Variants in POPDC2 observed in about 807,000 individuals in gnomAD.
The protein encoded by POPDC2 is popeye domain cAMP effector 2.
Under a neutral mutation model 30.5 loss-of-function variants are expected in POPDC2, and 24 were observed. The ratio of observed to expected loss-of-function variants is 0.79; its 90% CI spans 0.57 to 1.11. The LOEUF is 1.11. Ranked by LOEUF, POPDC2 falls within the 50% of genes least tolerant of loss-of-function variation. The pLI is 0.00. For synonymous variants in POPDC2, 185 were observed against 183.3 expected (o/e 1.01, Z -0.07); for missense variants, 409 against 447.0 (o/e 0.91, Z 0.77).
chr3:119,645,258 T>C lies in POPDC2; in HGVS notation c.*44-2697A>G, dbSNP rs532178008. On this transcript the variant is annotated intron_variant, in intron 3 of 3. Transcript: ENST00000493094. Reference sequence around the variant, plus strand: ...TTGGGGACTGAGTTGTGATCTCCTCTCTCATAAAATATCCGCACTGTAGGC... The same window carrying C: ...TTGGGGACTGAGTTGTGATCTCCTCCCTCATAAAATATCCGCACTGTAGGC... Among the ~76,000 whole-genome samples the C allele has an allele frequency of 3.3e-5, 5 of 152,280 alleles. No homozygotes were observed. The East Asian group carries it at 7.7e-4, about 23-fold the overall frequency.
Position 119,656,813 on chromosome 3 carries a change from TTGGGGGAG to T in POPDC2, c.492-2208_492-2201del, listed in dbSNP as rs2052884583. 2.0e-5 allele frequency among the ~76,000 whole-genome samples: 3 copies of T among 152,154 alleles called. No homozygotes were observed. In the South Asian group the frequency reaches 6.2e-4, roughly 31 times the overall value. On this transcript the variant is annotated intron_variant, in intron 1 of 3. Transcript: ENST00000493094. ...GATCTCTAAGGTACACCTTGTTCAT[TTGGGGGAG>T]ATATCCTTCCATTATTTCTGGAGGT... is the stretch of plus-strand genomic sequence containing the variant.
chr3:119,657,102 C>T (rs1003724217), intron 1 of POPDC2, among the ~76,000 whole-genome samples: 14 of 152,150 alleles, frequency 9.2e-5, no homozygotes, highest in Non-Finnish European at 1.8e-4. Flanking sequence ...TTGAGGGATG[C>T]AAAGGGTATT....
rs1299808690 is a variant in POPDC2, at chr3:119,642,100, C to A, written c.*505G>T. On this transcript the variant is annotated 3_prime_UTR_variant, in exon 4 of 4. Coordinates refer to ENST00000493094, the MANE Select transcript of POPDC2 (RefSeq NM_001369919.2). The stretch of plus-strand genomic sequence containing the variant: ...ATTGAGTGCTTACTTGGTGCCACGG[C>A]ATGTGCTAGGTGCTTACCTAAATCA... 4 of 158,242 alleles carry A rather than the reference C, an allele frequency of 2.5e-5. No homozygotes were observed. Among genetic ancestry groups the A allele is most frequent in the African/African-American group, 4.8e-5 (2 of 41,736 alleles). 9.8% of individuals were successfully genotyped at this position (158,242 alleles called of 1,614,324 possible). A position where few individuals can be genotyped will look rare whatever the true frequency, so the allele number is the denominator to read the frequency against.
chr3:119,643,510 A>G, intron 3 of POPDC2: 2 of 1,123,366 alleles, frequency 1.8e-6, no homozygotes, highest in Non-Finnish European at 2.6e-6. Flanking sequence ...ATACAACAGA[A>G]TCTTAAAATA....
chr3:119,657,366 A>G (rs562933082), intron 1 of POPDC2, among the ~76,000 whole-genome samples: 1 of 152,354 alleles, frequency 6.6e-6, no homozygotes, highest in Non-Finnish European at 1.5e-5. Context: ...GCGTGTATAC[A>G]AATTACCAAA....
rs1485799604 is a variant in POPDC2, at chr3:119,642,221, T to G, written c.*384A>C. 6.5e-6 allele frequency: 2 copies of G among 309,368 alleles called. No homozygotes were observed. Among genetic ancestry groups the G allele is most frequent in the Non-Finnish European group, 1.2e-5 (2 of 162,058 alleles). The allele number at this position is 309,368 out of a possible 1,614,324, so 19.2% of individuals were successfully genotyped here. A position where few individuals can be genotyped will look rare whatever the true frequency, so the allele number is the denominator to read the frequency against. ...CAGAGGCTATGTAACTTGCCCAAGA[T>G]TCTGCAGCTGGTAAAGGACGGAATC... On this transcript the variant is annotated 3_prime_UTR_variant, in exon 4 of 4. Coordinates refer to ENST00000493094, the MANE Select transcript of POPDC2 (RefSeq NM_001369919.2).
intron 2 of POPDC2, among the ~76,000 whole-genome samples, chr3:119,649,233 C>G: frequency 6.6e-6 from 1 of 152,072 alleles, no homozygotes; most frequent in East Asian, 1.9e-4. Flanking sequence ...CGAAATTGCT[C>G]GTAACTTGGC....
At chr3:119,655,212 C>T (rs925528219) in intron 1 of POPDC2, among the ~76,000 whole-genome samples, 1 of 151,990 alleles carries the variant, frequency 6.6e-6, no homozygotes, top group Non-Finnish European at 1.5e-5. Context: ...CCTGTAATCC[C>T]AGCTACTTGG....
At chr3:119,658,547 G>A (rs1007928415) in intron 1 of POPDC2, among the ~76,000 whole-genome samples, 4 of 152,166 alleles carry the variant, frequency 2.6e-5, no homozygotes, top group African/African-American at 9.7e-5. Flanking sequence ...ATAACATCAT[G>A]GGTCTCATGA....
Position 119,642,214 on chromosome 3 carries a change from C to T in POPDC2, c.*391G>A, listed in dbSNP as rs151250557. On this transcript the variant is annotated 3_prime_UTR_variant, in exon 4 of 4. Coordinates refer to ENST00000493094, the MANE Select transcript of POPDC2 (RefSeq NM_001369919.2). Reference sequence around the variant, plus strand: ...AGGCTCACAGAGGCTATGTAACTTGCCCAAGATTCTGCAGCTGGTAAAGGA... The same window carrying T: ...AGGCTCACAGAGGCTATGTAACTTGTCCAAGATTCTGCAGCTGGTAAAGGA... 23 of 301,130 alleles carry T rather than the reference C, an allele frequency of 7.6e-5. No homozygotes were observed. Among genetic ancestry groups the T allele is most frequent in the African/African-American group, 4.6e-4 (22 of 47,562 alleles). The allele number at this position is 301,130 out of a possible 1,614,324, so 18.7% of individuals were successfully genotyped here. A position where few individuals can be genotyped will look rare whatever the true frequency, so the allele number is the denominator to read the frequency against.
chr3:119,655,523 G>A (rs1255854262), intron 1 of POPDC2, among the ~76,000 whole-genome samples: 2 of 152,176 alleles, frequency 1.3e-5, no homozygotes, highest in Middle Eastern at 6.3e-3. Flanking sequence ...TGGATCCGCT[G>A]CTCCACAGAT....
At chr3:119,658,459 T>C (rs1254088135) in intron 1 of POPDC2, among the ~76,000 whole-genome samples, 1 of 152,230 alleles carries the variant, frequency 6.6e-6, no homozygotes, top group African/African-American at 2.4e-5. Flanking sequence ...TAACCATACA[T>C]GCTTCCAGCA....
intron 3 of POPDC2, among the ~76,000 whole-genome samples, chr3:119,645,326 C>G (rs994202171): frequency 1.3e-5 from 2 of 152,146 alleles, no homozygotes; most frequent in Non-Finnish European, 2.9e-5. Context: ...ACTTTGGGAG[C>G]CCGAGGCGGG....
At position 119,647,816 on chromosome 3, in the gene POPDC2, C is replaced by T. The variant is rs568153093; in HGVS notation, c.*43+303G>A. 3.9e-5 allele frequency among the ~76,000 whole-genome samples: 6 copies of T among 152,322 alleles called. No homozygotes were observed. The South Asian group carries it at 1.2e-3, about 32-fold the overall frequency. On this transcript the variant is annotated intron_variant, in intron 3 of 3. Coordinates refer to ENST00000493094, the MANE Select transcript of POPDC2 (RefSeq NM_001369919.2). ...ATGCCACAAATAAAAGCCCCTTAAG[C>T]CCCAGCTGTGGCCTCAGCTATTAGA...
At chr3:119,655,663 T>C (rs1257440105) in intron 1 of POPDC2, among the ~76,000 whole-genome samples, 1 of 152,248 alleles carries the variant, frequency 6.6e-6, no homozygotes, top group Non-Finnish European at 1.5e-5. Flanking sequence ...TGTTCTCTTA[T>C]ATAATGTTCA....
At chr3:119,656,294 A>G (rs2052878198) in intron 1 of POPDC2, among the ~76,000 whole-genome samples, 1 of 152,084 alleles carries the variant, frequency 6.6e-6, no homozygotes, top group Admixed American at 6.5e-5. Context: ...TTTTAAATAA[A>G]GACCTTTTTT....
At position 119,654,513 on chromosome 3, in the gene POPDC2, C is replaced by T. The variant is rs745746296; in HGVS notation, c.592G>A (p.Val198Met). 1 of 1,610,120 alleles carries T rather than the reference C, an allele frequency of 6.2e-7. No individual in the cohort carries two copies. Among genetic ancestry groups the T allele is most frequent in the South Asian group, 1.1e-5 (1 of 90,974 alleles). ...ACCAGGCTCCCTGTTACCTGGAACACCCCCTCCTCAGAAGGCTGTAGTGAT... is the reference window on the plus strand; with the variant it reads ...ACCAGGCTCCCTGTTACCTGGAACATCCCCTCCTCAGAAGGCTGTAGTGAT... ...WESLQPSEEG[V>M]FQVTLTAETS... Residue 198 changes from valine to methionine, a missense_variant, in exon 2 of 4, where the codon GTG (valine) becomes ATG (methionine). Physicochemically the swap from Val to Met is conservative, Grantham distance 21 (BLOSUM62 1). Coordinates refer to ENST00000493094, the MANE Select transcript of POPDC2 (RefSeq NM_001369919.2).
intron 1 of POPDC2, among the ~76,000 whole-genome samples, 165 bp downstream of exon 1, chr3:119,659,768 C>T (rs1213639727): frequency 1.3e-5 from 2 of 152,130 alleles, no homozygotes; most frequent in Non-Finnish European, 2.9e-5. Context: ...AGGAAGCAAC[C>T]CCACTCTTAG....
Position 119,660,284 on chromosome 3 carries a change from A to G in POPDC2, c.140T>C (p.Val47Ala). 1.2e-6 allele frequency: 2 copies of G among 1,613,820 alleles called. No homozygotes were observed. The highest frequency in any genetic ancestry group is 8.5e-7 in the Non-Finnish European group (1 of 1,179,950). ...GCCAAAAAGATAGAAGCATCCATACACCCCACTGCCCCCCATGAAGCCCAG... is the reference window on the plus strand; with the variant it reads ...GCCAAAAAGATAGAAGCATCCATACGCCCCACTGCCCCCCATGAAGCCCAG... The part of the protein sequence containing the change: ...LLLGFMGGSG[V>A]YGCFYLFGFL... The change falls in exon 1 of 4, where the codon GTG (valine) becomes GCG (alanine). Residue 47 changes from valine (V) to alanine (A), a missense_variant. Transcript: ENST00000493094.
Sources: gnomAD v4.1 joint callset for allele counts (sites outside exome capture counted in the v4.1 genomes callset) on GRCh38, gnomAD v4.1.1 for gene constraint, MANE v1.5 for transcripts, NCBI Gene and HGNC (gene_info 2026-07-23, HGNC 2026-07-21) for gene names.